Variants in SERPINB8 observed in about 807,000 individuals in gnomAD.
The protein encoded by SERPINB8 is serpin family B member 8, also known as serpin B8.
A neutral mutation model predicts 35.3 loss-of-function variants in SERPINB8; 25 were observed. That is an observed-to-expected ratio of 0.71 (90% CI 0.52 to 0.99). The LOEUF (loss-of-function observed/expected upper bound fraction) is 0.99. SERPINB8 is among the 50% of genes least tolerant of loss of function. SERPINB8 has a pLI of 0.00. For synonymous variants in SERPINB8, 186 were observed against 160.8 expected (o/e 1.16, Z -1.19); for missense variants, 484 against 446.5 (o/e 1.08, Z -0.76).
At chr18:63,995,094 A>C (rs1195817178) in intron 1 of SERPINB8, among the ~76,000 whole-genome samples, 2 of 152,138 alleles carry the variant, frequency 1.3e-5, no homozygotes, top group Non-Finnish European at 2.9e-5. Flanking sequence ...AAGATACCAG[A>C]CCATGGGGGG....
At chr18:64,017,035 A>G (rs1345147135) in intron 7 of SERPINB8, among the ~76,000 whole-genome samples, 3 of 151,956 alleles carry the variant, frequency 2.0e-5, no homozygotes, top group Non-Finnish European at 4.4e-5. Context: ...CTCCACACAC[A>G]TTTTCCCTCT....
chr18:64,016,241 G>T (rs2050949561), intron 7 of SERPINB8, among the ~76,000 whole-genome samples: 1 of 152,214 alleles, frequency 6.6e-6, no homozygotes, highest in African/African-American at 2.4e-5. Flanking sequence ...ATGGTTTTCA[G>T]CAGGTGCAGA....
At chr18:63,979,688 C>T in intron 2 of SERPINB8, 113 bp from the exon 3 acceptor site, 1 of 1,341,784 alleles carries the variant, frequency 7.5e-7, no homozygotes, top group Non-Finnish European at 1.0e-6. Context: ...TAGGCCAAAC[C>T]TTTTTAAAGT....
At chr18:63,999,129 A>G (rs2050862981) in intron 1 of SERPINB8, among the ~76,000 whole-genome samples, 1 of 152,130 alleles carries the variant, frequency 6.6e-6, no homozygotes, top group African/African-American at 2.4e-5. Context: ...AGTGGGATCT[A>G]ACCTCTCTCC....
rs1424363732 is a variant in SERPINB8, at chr18:63,986,595, T to G, written c.721-279T>G. ...TTTTCTAAACTGTTAAAAAATGTTT[T>G]TAACATTTGAAAGGAGTTAGGTACA... On this transcript the variant is annotated intron_variant, in intron 6 of 6. Coordinates refer to ENST00000397985, the MANE Select transcript of SERPINB8 (RefSeq NM_002640.4). 7.6e-6 allele frequency: 10 copies of G among 1,311,814 alleles called. No homozygotes were observed. The Admixed American group carries it at 3.7e-4, about 48-fold the overall frequency. The allele number at this position is 1,311,814 out of a possible 1,614,324, so 81.3% of individuals were successfully genotyped here. A position where few individuals can be genotyped will look rare whatever the true frequency, so the allele number is the denominator to read the frequency against.
downstream of SERPINB8, among the ~76,000 whole-genome samples, chr18:64,009,354 C>T (rs1568081921): frequency 6.6e-6 from 1 of 152,158 alleles, no homozygotes; most frequent in Non-Finnish European, 1.5e-5. Context: ...TAAAAATTTA[C>T]ATAAATAAGC....
intron 7 of SERPINB8, among the ~76,000 whole-genome samples, chr18:64,010,702 G>A (rs1313051213): frequency 6.6e-6 from 1 of 151,834 alleles, no homozygotes; most frequent in Non-Finnish European, 1.5e-5. Flanking sequence ...AAAAATAGCA[G>A]GTGTCAATTC....
chr18:63,979,701 G>T, intron 2 of SERPINB8, 100 bp from the exon 3 acceptor site: 2 of 1,414,670 alleles, frequency 1.4e-6, no homozygotes, highest in African/African-American at 1.4e-5. Context: ...TTTAAAGTAG[G>T]ATCCTGTGTG....
intron 2 of SERPINB8, 81 bp from the exon 3 acceptor site, chr18:63,979,720 A>G: frequency 6.6e-7 from 1 of 1,520,996 alleles, no homozygotes; most frequent in Non-Finnish European, 9.0e-7. Flanking sequence ...TGGTTTTTTT[A>G]GTACAGAGGT....
intron 1 of SERPINB8, among the ~76,000 whole-genome samples, chr18:63,976,818 T>A (rs1317124963): frequency 6.6e-6 from 1 of 152,192 alleles, no homozygotes. Context: ...TTTATATCCA[T>A]GCCTATGGAC....
intron 1 of SERPINB8, among the ~76,000 whole-genome samples, chr18:63,976,068 A>G (rs1187611059): frequency 6.6e-6 from 1 of 152,134 alleles, no homozygotes; most frequent in Non-Finnish European, 1.5e-5. Context: ...CATTTTGCTC[A>G]TTTGCTAATT....
At chr18:63,978,252 C>T (rs543004738) in intron 1 of SERPINB8, 47 bp from the exon 2 acceptor site, 180 of 1,603,032 alleles carry the variant, frequency 1.1e-4, no homozygotes, top group East Asian at 1.0e-3. Flanking sequence ...GCGTGGCTAC[C>T]GGAGTCATTG....
chr18:63,995,098 T>C (rs1568282411), intron 1 of SERPINB8, among the ~76,000 whole-genome samples: 1 of 152,066 alleles, frequency 6.6e-6, no homozygotes, highest in African/African-American at 2.4e-5. Context: ...TACCAGACCA[T>C]GGGGGGCCCA....
At chr18:63,985,963 G>A (rs959391639) in intron 6 of SERPINB8, among the ~76,000 whole-genome samples, 1 of 152,156 alleles carries the variant, frequency 6.6e-6, no homozygotes, top group Non-Finnish European at 1.5e-5. Context: ...TTAGTCTACT[G>A]AGGGTTTAAC....
At chr18:63,970,635 G>T (rs2050456628) in intron 1 of SERPINB8, 1 of 152,598 alleles carries the variant, frequency 6.6e-6, no homozygotes, top group Admixed American at 6.5e-5. Flanking sequence ...CGCCGCTGCG[G>T]AGGAGGCTCC....
At chr18:63,993,789 G>T (rs981854888), downstream of SERPINB8, among the ~76,000 whole-genome samples, 2 of 152,186 alleles carry the variant, frequency 1.3e-5, no homozygotes, top group Non-Finnish European at 2.9e-5. Context: ...TCACAGATTT[G>T]GTGCACAGCC....
At chr18:63,986,785 C>T (rs2050761413) in intron 6 of SERPINB8, 89 bp from the exon 7 acceptor site, 2 of 1,392,252 alleles carry the variant, frequency 1.4e-6, no homozygotes, top group African/African-American at 1.4e-5. Context: ...CATCTAATTG[C>T]ATGTCATTGG....
chr18:63,997,360 C>T (rs948555320), intron 1 of SERPINB8, among the ~76,000 whole-genome samples: 1 of 152,186 alleles, frequency 6.6e-6, no homozygotes, highest in Non-Finnish European at 1.5e-5. Context: ...TACACAGAAG[C>T]AGGTAAAACC....
chr18:63,990,516 A>T (rs2050819280), downstream of SERPINB8, among the ~76,000 whole-genome samples: 1 of 149,424 alleles, frequency 6.7e-6, no homozygotes, highest in African/African-American at 2.5e-5. Flanking sequence ...TATTTTGCAC[A>T]CTTTATTTTT....
Sources: gnomAD v4.1 joint callset for allele counts (sites outside exome capture counted in the v4.1 genomes callset) on GRCh38, gnomAD v4.1.1 for gene constraint, MANE v1.5 for transcripts, NCBI Gene and HGNC (gene_info 2026-07-23, HGNC 2026-07-21) for gene names.